The following ADORA2B variants were observed in gnomAD, a reference collection of about 807,000 sequenced individuals.
The protein encoded by ADORA2B is adenosine A2b receptor.
A neutral mutation model predicts 20.8 loss-of-function variants in ADORA2B; 18 were observed. The ratio of observed to expected loss-of-function variants is 0.87; its 90% CI spans 0.60 to 1.29. The LOEUF is 1.29. Among genes scored for constraint, ADORA2B ranks in the 50% most tolerant of loss-of-function variants. The pLI is 0.00. For missense variants in ADORA2B, 441 were observed against 422.7 expected, an observed-to-expected ratio of 1.04 and a Z score of -0.38; for synonymous variants, 179 against 178.3, an observed-to-expected ratio of 1.00 and a Z score of -0.03.
the ADORA2B span, among the ~76,000 whole-genome samples, chr17:15,916,620 T>C: frequency 1.3e-5 from 2 of 152,208 alleles, no homozygotes; most frequent in Non-Finnish European, 2.9e-5. Flanking sequence ...ACAGTGTCTG[T>C]AATCTATAGA....
chr17:15,871,006 CAGT>C, the ADORA2B span, among the ~76,000 whole-genome samples: 4 of 152,304 alleles, frequency 2.6e-5, no homozygotes, highest in East Asian at 5.8e-4. Context: ...TACAACCTAA[CAGT>C]GGAGTTTGTT....
At chr17:15,866,723 C>T in the ADORA2B span, among the ~76,000 whole-genome samples, 9 of 150,754 alleles carry the variant, frequency 6.0e-5, no homozygotes, top group African/African-American at 1.2e-4. Context: ...CTGCCTCTGC[C>T]GCTGCCGCTG....
Position 15,974,866 on chromosome 17 carries a change from A to G in ADORA2B, c.523A>G (p.Asn175Asp). Residue 175 changes from asparagine to aspartate, a missense_variant, in exon 2 of 2, where the codon AAT (asparagine) becomes GAT (aspartate). Transcript: ENST00000304222. ...SCCLVKCLFE[N>D]VVPMSYMVYF... ...CTGCCTTGTGAAGTGTCTCTTTGAG[A>G]ATGTGGTCCCCATGAGCTACATGGT... 1 of 1,614,104 alleles carries G rather than the reference A, an allele frequency of 6.2e-7. No individual in the cohort carries two copies. The highest frequency in any genetic ancestry group is 1.1e-5 in the South Asian group (1 of 91,074).
chr17:15,971,833 G>A (rs2779210), intron 1 of ADORA2B, among the ~76,000 whole-genome samples: 89,704 of 151,756 alleles, frequency 0.59, 27,010 homozygotes, highest in African/African-American at 0.67. Flanking sequence ...GGGTTTCACC[G>A]TGTTGGCCAG....
the ADORA2B span, among the ~76,000 whole-genome samples, chr17:15,905,289 G>GT: frequency 4.6e-5 from 7 of 151,072 alleles, no homozygotes; most frequent in East Asian, 1.4e-3. Context: ...GTTGTTGGGG[G>GT]GGGGTTGCGA....
the ADORA2B span, among the ~76,000 whole-genome samples, chr17:15,884,184 G>A: frequency 6.6e-6 from 1 of 152,258 alleles, no homozygotes; most frequent in South Asian, 2.1e-4. Flanking sequence ...ATCTTGGTAA[G>A]GGAGCAGAAC....
the ADORA2B span, among the ~76,000 whole-genome samples, chr17:15,858,535 C>G: frequency 6.6e-6 from 1 of 152,076 alleles, no homozygotes; most frequent in African/African-American, 2.4e-5. Flanking sequence ...ACTATTTGCC[C>G]TTTTTGTTTC....
chr17:15,933,023 T>C, the ADORA2B span, among the ~76,000 whole-genome samples: 1 of 148,582 alleles, frequency 6.7e-6, no homozygotes, highest in African/African-American at 2.5e-5. Context: ...TGGCACCATC[T>C]CGGCTCACTG....
chr17:15,916,740 C>T, the ADORA2B span, among the ~76,000 whole-genome samples: 1 of 152,152 alleles, frequency 6.6e-6, no homozygotes, highest in Non-Finnish European at 1.5e-5. Context: ...TTAATTCTTT[C>T]TTTGGAGGCA....
At chr17:15,932,178 G>A in the ADORA2B span, among the ~76,000 whole-genome samples, 1 of 152,002 alleles carries the variant, frequency 6.6e-6, no homozygotes, top group Non-Finnish European at 1.5e-5. Context: ...TTATCTGATT[G>A]CTTGGGTTTT....
At chr17:15,950,423 G>A (rs901397980) in intron 1 of ADORA2B, among the ~76,000 whole-genome samples, 5 of 152,186 alleles carry the variant, frequency 3.3e-5, no homozygotes, top group African/African-American at 1.2e-4. Context: ...CTAGATCAAC[G>A]CCCCTTCACT....
the ADORA2B span, among the ~76,000 whole-genome samples, chr17:15,909,995 C>G: frequency 1.2e-4 from 18 of 152,176 alleles, no homozygotes; most frequent in Non-Finnish European, 2.4e-4. Flanking sequence ...TTCTTCTGGG[C>G]AGATCTGTGT....
intron 1 of ADORA2B, among the ~76,000 whole-genome samples, chr17:15,964,962 A>G (rs1381244906): frequency 6.6e-6 from 1 of 152,112 alleles, no homozygotes; most frequent in Non-Finnish European, 1.5e-5. Flanking sequence ...CAGGAGGCTG[A>G]GGCAGGAGAA....
At chr17:15,920,607 G>C in the ADORA2B span, among the ~76,000 whole-genome samples, 1 of 151,956 alleles carries the variant, frequency 6.6e-6, no homozygotes, top group East Asian at 1.9e-4. Flanking sequence ...ATTAGTCCCA[G>C]CTATTCAGGA....
At chr17:15,929,128 C>G in the ADORA2B span, among the ~76,000 whole-genome samples, 1 of 151,968 alleles carries the variant, frequency 6.6e-6, no homozygotes, top group Non-Finnish European at 1.5e-5. Context: ...GGAGGGACAT[C>G]CGAGAAGAGG....
At chr17:15,974,059 AG>A (rs1017961914) in intron 1 of ADORA2B, 11 of 116,636 alleles carry the variant, frequency 9.4e-5, no homozygotes, top group Middle Eastern at 5.0e-3. Flanking sequence ...AGTGATGGAC[AG>A]AAAAAGGAAA....
chr17:15,970,491 A>T (rs1189458905), intron 1 of ADORA2B, among the ~76,000 whole-genome samples: 1 of 152,022 alleles, frequency 6.6e-6, no homozygotes, highest in Non-Finnish European at 1.5e-5. Flanking sequence ...AAATCGCTTT[A>T]AAAAAAAGAG....
chr17:15,964,868 T>C lies in ADORA2B; in HGVS notation c.336-9811T>C, dbSNP rs531592635. On this transcript the variant is annotated intron_variant, in intron 1 of 1. Coordinates refer to ENST00000304222, the MANE Select transcript of ADORA2B (RefSeq NM_000676.4). ...CGAGGTCAGGAGATCGAGACCATCC[T>C]GGCTAACACGGTGAAACCCCGTCTC... Among the ~76,000 whole-genome samples the C allele has an allele frequency of 3.2e-4, 49 of 152,118 alleles. 1 individual carries two copies. In the Middle Eastern group the frequency reaches 0.01, roughly 32 times the overall value.
At chr17:15,861,915 T>C in the ADORA2B span, among the ~76,000 whole-genome samples, 2 of 152,334 alleles carry the variant, frequency 1.3e-5, no homozygotes, top group South Asian at 4.1e-4. Context: ...CTCATCCTGA[T>C]CTTCTAGATG....
Sources: gnomAD v4.1 joint callset for allele counts (sites outside exome capture counted in the v4.1 genomes callset) on GRCh38, gnomAD v4.1.1 for gene constraint, MANE v1.5 for transcripts, NCBI Gene and HGNC (gene_info 2026-07-23, HGNC 2026-07-21) for gene names.